The following EXO1 variants were observed in gnomAD, a reference collection of about 807,000 sequenced individuals.
EXO1 encodes the protein exonuclease 1.
EXO1 carries 69 observed loss-of-function variants against 84.5 expected under a neutral mutation model. The ratio of observed to expected loss-of-function variants is 0.82; its 90% CI spans 0.67 to 1.00. EXO1 has a LOEUF of 1.00. Ranked by LOEUF, EXO1 falls within the 50% of genes least tolerant of loss-of-function variation. The pLI is 0.00. For synonymous variants in EXO1, 373 were observed against 366.1 expected (o/e 1.02, Z -0.21); for missense variants, 1,045 against 1,000.7 (o/e 1.04, Z -0.60).
chr1:241,865,909 T>C (rs562608039), intron 10 of EXO1, among the ~76,000 whole-genome samples: 10 of 152,328 alleles, frequency 6.6e-5, no homozygotes, highest in Non-Finnish European at 1.3e-4. Context: ...TCACCGGTTT[T>C]ATTTATTTTT....
At chr1:241,862,953 A>C (rs1286762534) in intron 10 of EXO1, among the ~76,000 whole-genome samples, 3 of 152,262 alleles carry the variant, frequency 2.0e-5, no homozygotes, top group Non-Finnish European at 4.4e-5. Flanking sequence ...TAAGAAATAC[A>C]GGAAAAGTAA....
intron 15 of EXO1, among the ~76,000 whole-genome samples, chr1:241,887,279 GGCTTGTGCCA>G (rs753787476): frequency 3.3e-4 from 50 of 152,268 alleles, no homozygotes; most frequent in Non-Finnish European, 6.2e-4. Context: ...TGGGACTACA[GGCTTGTGCCA>G]CCAGCCCCAG....
chr1:241,851,267 A>T (rs1171322298), intron 4 of EXO1, among the ~76,000 whole-genome samples: 1 of 152,232 alleles, frequency 6.6e-6, no homozygotes, highest in African/African-American at 2.4e-5. Flanking sequence ...AAAATTCATT[A>T]TAATTTCATA....
intron 6 of EXO1, among the ~76,000 whole-genome samples, chr1:241,855,863 G>A (rs557608007): frequency 2.6e-5 from 4 of 152,366 alleles, no homozygotes; most frequent in African/African-American, 9.6e-5. Context: ...GGGCCGGCCG[G>A]CTGCTCTGAG....
chr1:241,867,645 G>T (rs1661828908), intron 11 of EXO1, among the ~76,000 whole-genome samples: 1 of 151,740 alleles, frequency 6.6e-6, no homozygotes, highest in Admixed American at 6.6e-5. Flanking sequence ...ATATATGGCT[G>T]TCCAATTGTT....
intron 6 of EXO1, chr1:241,854,905 C>T (rs1406602683): frequency 6.5e-6 from 1 of 153,346 alleles, no homozygotes; most frequent in African/African-American, 2.4e-5. Flanking sequence ...AAGCTGCAGA[C>T]CTTTGCGGTG....
At chr1:241,853,983 C>T (rs1489117484) in intron 6 of EXO1, among the ~76,000 whole-genome samples, 2 of 152,154 alleles carry the variant, frequency 1.3e-5, no homozygotes, top group African/African-American at 4.8e-5. Flanking sequence ...AGCTTCGTTG[C>T]CCCAGGCACC....
Position 241,878,986 on chromosome 1 carries a change from G to A in EXO1, c.1752G>A (p.Glu584=), listed in dbSNP as rs1302611456. The change falls in exon 13 of 16, where the codon GAG becomes GAA. Residue 584 remains glutamate, a synonymous_variant. Coordinates refer to ENST00000366548, the MANE Select transcript of EXO1 (RefSeq NM_130398.4). ...AGGCAACAGTGTTTACAGATGAAGA[G>A]TCCTACTCTTTTGAGAGCAGCAAAT... ...PDKATVFTDE[E]SYSFESSKFT... is the part of the protein sequence containing the mutation. 1 of 1,614,000 alleles carries A rather than the reference G, an allele frequency of 6.2e-7. No homozygotes were observed. Among genetic ancestry groups the A allele is most frequent in the African/African-American group, 1.3e-5 (1 of 74,924 alleles).
At chr1:241,852,537 C>T (rs1660732041) in intron 5 of EXO1, 126 bp downstream of exon 5, 5 of 831,462 alleles carry the variant, frequency 6.0e-6, no homozygotes, top group Non-Finnish European at 1.0e-5. Context: ...CCTAGGTACT[C>T]GGGAGGTTGA....
intron 6 of EXO1, 55 bp downstream of exon 6, chr1:241,853,536 T>C (rs4149868): frequency 0.022 from 34,655 of 1,601,014 alleles, 901 homozygotes; most frequent in African/African-American, 0.12. Flanking sequence ...AACTTGTTTA[T>C]TGATGGGAGA....
At chr1:241,871,978 A>G (rs1183031884) in intron 11 of EXO1, 54 bp from the exon 12 acceptor site, 10 of 1,507,270 alleles carry the variant, frequency 6.6e-6, no homozygotes, top group Non-Finnish European at 9.2e-6. Flanking sequence ...GTTAAGGCCA[A>G]ATCTCTAAGT....
chr1:241,875,703 C>A (rs1049227381), intron 12 of EXO1, among the ~76,000 whole-genome samples: 1 of 152,060 alleles, frequency 6.6e-6, no homozygotes, highest in African/African-American at 2.4e-5. Flanking sequence ...ATGGTGAAAC[C>A]CCATCTCTAC....
At chr1:241,884,647 C>CTGTGTG (rs71570908) in intron 14 of EXO1, among the ~76,000 whole-genome samples, 7 of 147,712 alleles carry the variant, frequency 4.7e-5, no homozygotes, top group South Asian at 2.1e-4. Flanking sequence ...ACTATGCTGC[C>CTGTGTG]TGTGTGTGTG....
At chr1:241,886,703 A>G (rs1558149831) in intron 15 of EXO1, among the ~76,000 whole-genome samples, 1 of 152,228 alleles carries the variant, frequency 6.6e-6, no homozygotes, top group Non-Finnish European at 1.5e-5. Context: ...CTTAACCATC[A>G]TAGAAATTGA....
chr1:241,885,236 G>A lies in EXO1; in HGVS notation c.2212-78G>A, dbSNP rs12729007. ...AGTAAATAAATAAATAAATAAATAA[G>A]TAAAGAATAAAGAATAGCTTGAAAT... On this transcript the variant is annotated intron_variant, in intron 14 of 15. Coordinates refer to ENST00000366548, the MANE Select transcript of EXO1 (RefSeq NM_130398.4). 507 of 408,550 alleles carry A rather than the reference G, an allele frequency of 1.2e-3. 4 individuals carry two copies. Among genetic ancestry groups the A allele is most frequent in the South Asian group, 6.1e-3 (205 of 33,348 alleles). 25.3% of individuals were successfully genotyped at this position (408,550 alleles called of 1,614,324 possible). A position where few individuals can be genotyped will look rare whatever the true frequency, so the allele number is the denominator to read the frequency against.
intron 3 of EXO1, among the ~76,000 whole-genome samples, chr1:241,849,588 G>A (rs186047020): frequency 6.6e-6 from 1 of 152,344 alleles, no homozygotes; most frequent in Non-Finnish European, 1.5e-5. Context: ...AGAATAATGC[G>A]TTCTAATAGC....
rs897376422 is a variant in EXO1, at chr1:241,885,427, G to A, written c.2325G>A (p.Lys775=). Residue 775 remains lysine (K), a synonymous_variant, in exon 15 of 16, where the codon AAG becomes AAA. Transcript: ENST00000366548. The part of the protein sequence containing the change: ...GLSKKPASIQ[K]RKHHNAENKP... The stretch of plus-strand genomic sequence containing the variant: ...GCAAGAAGCCGGCAAGCATCCAGAA[G>A]AGAAAGCATCATAATGCCGAGAACA... The A allele has an allele frequency of 1.2e-6, 2 of 1,613,912 alleles. No homozygotes were observed. The highest frequency in any genetic ancestry group is 1.7e-6 in the Non-Finnish European group (2 of 1,179,910).
At chr1:241,873,771 G>T (rs1574168363) in intron 12 of EXO1, among the ~76,000 whole-genome samples, 1 of 152,178 alleles carries the variant, frequency 6.6e-6, no homozygotes, top group Non-Finnish European at 1.5e-5. Context: ...CGTTCAAGGG[G>T]CATCTAATGC....
At chr1:241,863,138 G>A (rs1352068776) in intron 10 of EXO1, among the ~76,000 whole-genome samples, 1 of 152,132 alleles carries the variant, frequency 6.6e-6, no homozygotes, top group Non-Finnish European at 1.5e-5. Flanking sequence ...CATTTTCTGA[G>A]CATTTGCTAC....
Sources: gnomAD v4.1 joint callset for allele counts (sites outside exome capture counted in the v4.1 genomes callset) on GRCh38, gnomAD v4.1.1 for gene constraint, MANE v1.5 for transcripts, NCBI Gene and HGNC (gene_info 2026-07-23, HGNC 2026-07-21) for gene names.